CDK14: variants seen among roughly 807,000 people sequenced by gnomAD.
CDK14 encodes the protein cyclin dependent kinase 14.
A neutral mutation model predicts 60.7 loss-of-function variants in CDK14; 34 were observed. The observed-to-expected ratio is 0.56, with a 90% CI of 0.43 to 0.75. The LOEUF (loss-of-function observed/expected upper bound fraction) is 0.75, where lower values mean the gene tolerates loss of function less well. Among genes scored for constraint, CDK14 ranks in the 30% least tolerant of loss-of-function variants. The pLI, the probability that CDK14 is intolerant of heterozygous loss-of-function variation, is 0.00. For synonymous variants in CDK14, 197 were observed against 203.7 expected (o/e 0.97, Z 0.28); for missense variants, 482 against 564.1 (o/e 0.85, Z 1.47).
chr7:90,759,004 C>T (rs922608154), intron 4 of CDK14, among the ~76,000 whole-genome samples: 1 of 145,608 alleles, frequency 6.9e-6, no homozygotes, highest in Non-Finnish European at 1.5e-5. Context: ...TGCAGTGAGT[C>T]GAGATTGCAC....
intron 11 of CDK14, among the ~76,000 whole-genome samples, chr7:91,067,986 A>T (rs548446809): frequency 6.6e-6 from 1 of 152,328 alleles, no homozygotes; most frequent in East Asian, 1.9e-4. Context: ...AATTTGTTTT[A>T]TGAGGGCATT....
At chr7:91,052,107 C>T (rs905447003) in intron 11 of CDK14, among the ~76,000 whole-genome samples, 6 of 152,142 alleles carry the variant, frequency 3.9e-5, no homozygotes, top group Non-Finnish European at 7.3e-5. Context: ...AAAGAGTACC[C>T]TGGGGCTGCA....
chr7:91,094,011 C>T (rs1798907885), intron 12 of CDK14, among the ~76,000 whole-genome samples: 1 of 151,984 alleles, frequency 6.6e-6, no homozygotes, highest in Admixed American at 6.6e-5. Flanking sequence ...GCAATAGACA[C>T]TGGGGACTAT....
intron 8 of CDK14, among the ~76,000 whole-genome samples, chr7:90,946,896 C>G (rs1794118525): frequency 6.6e-6 from 1 of 152,182 alleles, no homozygotes; most frequent in Non-Finnish European, 1.5e-5. Flanking sequence ...CGCTGTTACC[C>G]TGCAAGCCAT....
intron 8 of CDK14, among the ~76,000 whole-genome samples, chr7:90,952,422 T>C (rs1794290373): frequency 1.3e-5 from 2 of 152,204 alleles, no homozygotes; most frequent in Non-Finnish European, 2.9e-5. Flanking sequence ...AAGATTCTGC[T>C]ATGCTAGTAT....
At chr7:91,035,833 C>CTTTTTT (rs34091498) in intron 10 of CDK14, among the ~76,000 whole-genome samples, 11 of 99,236 alleles carry the variant, frequency 1.1e-4, no homozygotes, top group South Asian at 3.9e-4. Flanking sequence ...GCTTCATGGT[C>CTTTTTT]TTTTTTTTTT....
At chr7:90,985,921 T>C (rs1452003908) in intron 10 of CDK14, among the ~76,000 whole-genome samples, 1 of 152,098 alleles carries the variant, frequency 6.6e-6, no homozygotes, top group East Asian at 1.9e-4. Context: ...AACATGATTA[T>C]AAAAATAGTG....
chr7:91,060,537 A>T (rs1465067572), intron 11 of CDK14, among the ~76,000 whole-genome samples: 1 of 152,148 alleles, frequency 6.6e-6, no homozygotes, highest in African/African-American at 2.4e-5. Context: ...AGTGGCTGGT[A>T]CCGATTGTTC....
At chr7:90,760,376 C>G (rs1407925221) in intron 4 of CDK14, among the ~76,000 whole-genome samples, 3 of 152,156 alleles carry the variant, frequency 2.0e-5, no homozygotes, top group Admixed American at 2.0e-4. Flanking sequence ...TTCTAGAAGT[C>G]AGTAATCCCC....
chr7:90,965,153 C>T (rs1462283350), intron 9 of CDK14, among the ~76,000 whole-genome samples: 1 of 152,102 alleles, frequency 6.6e-6, no homozygotes, highest in Non-Finnish European at 1.5e-5. Flanking sequence ...CATTTGCTCC[C>T]CACTCATCCC....
chr7:91,002,012 G>A (rs1461068843), intron 10 of CDK14, among the ~76,000 whole-genome samples: 1 of 152,170 alleles, frequency 6.6e-6, no homozygotes, highest in Non-Finnish European at 1.5e-5. Flanking sequence ...GATTACCTCT[G>A]GACTGGTTGT....
intron 2 of CDK14, among the ~76,000 whole-genome samples, chr7:90,608,355 AT>A (rs1489985638): frequency 6.6e-6 from 1 of 152,212 alleles, no homozygotes; most frequent in African/African-American, 2.4e-5. Context: ...CCAATGTAAA[AT>A]TACCACGCGT....
chr7:90,767,549 C>A (rs375954986), intron 4 of CDK14, among the ~76,000 whole-genome samples: 7 of 152,278 alleles, frequency 4.6e-5, no homozygotes, highest in African/African-American at 1.7e-4. Flanking sequence ...CTCACCTTCC[C>A]TTTCTATCAG....
At chr7:90,800,704 G>T (rs1788604033) in intron 5 of CDK14, among the ~76,000 whole-genome samples, 2 of 152,124 alleles carry the variant, frequency 1.3e-5, no homozygotes, top group Admixed American at 6.5e-5. Context: ...CATGTTTGGG[G>T]TGTTGTATTG....
intron 11 of CDK14, among the ~76,000 whole-genome samples, chr7:91,052,759 T>C (rs1797426946): frequency 6.6e-6 from 1 of 152,250 alleles, no homozygotes; most frequent in Non-Finnish European, 1.5e-5. Flanking sequence ...AGAGCATTTC[T>C]AAAGTGGTTA....
chr7:91,149,996 G>T (rs1444894712), intron 14 of CDK14, among the ~76,000 whole-genome samples: 1 of 152,188 alleles, frequency 6.6e-6, no homozygotes, highest in Non-Finnish European at 1.5e-5. Flanking sequence ...GAAGAATTGT[G>T]TAGGGCCCAG....
At chr7:90,986,004 C>A (rs1313616154) in intron 10 of CDK14, among the ~76,000 whole-genome samples, 1 of 151,726 alleles carries the variant, frequency 6.6e-6, no homozygotes, top group African/African-American at 2.4e-5. Context: ...GTCCTACTAC[C>A]CAGAGAAAAC....
chr7:90,715,725 A>G (rs1802227471), intron 2 of CDK14, among the ~76,000 whole-genome samples: 1 of 146,918 alleles, frequency 6.8e-6, no homozygotes, highest in African/African-American at 2.5e-5. Flanking sequence ...GAAACTAATT[A>G]GCCATGCAGT....
chr7:91,162,075 C>G (rs1387032555), intron 14 of CDK14, among the ~76,000 whole-genome samples: 5 of 152,114 alleles, frequency 3.3e-5, no homozygotes, highest in African/African-American at 1.2e-4. Context: ...TTTTTAAAAA[C>G]TAAGAAAGAG....
Sources: allele counts gnomAD v4.1 joint callset (sites outside exome capture counted in the v4.1 genomes callset), GRCh38; gene constraint gnomAD v4.1.1; transcripts MANE v1.5; gene names NCBI Gene and HGNC (gene_info 2026-07-23, HGNC 2026-07-21).